The following ING5 variants were observed in gnomAD, a reference collection of about 807,000 sequenced individuals.
ING5 encodes inhibitor of growth family member 5.
ING5 carries 17 observed loss-of-function variants against 37.4 expected under a neutral mutation model. That is an observed-to-expected ratio of 0.45 (90% CI 0.31 to 0.68). The LOEUF is 0.68. Ranked by LOEUF, ING5 falls within the 30% of genes least tolerant of loss-of-function variation. The pLI is 0.05. For synonymous variants in ING5, 123 were observed against 116.6 expected (o/e 1.06, Z -0.36); for missense variants, 233 against 311.9 (o/e 0.75, Z 1.91).
chr2:241,695,243 G>C (rs1175259488), intron 2 of ING5, among the ~76,000 whole-genome samples: 1 of 151,920 alleles, frequency 6.6e-6, no homozygotes, highest in Non-Finnish European at 1.5e-5. Context: ...TACTGAGACT[G>C]CTGTGCTGGA....
At chr2:241,712,181 G>A (rs977991460) in intron 5 of ING5, 110 bp downstream of exon 5, 139 of 887,242 alleles carry the variant, frequency 1.6e-4, no homozygotes, top group Non-Finnish European at 2.2e-4. Context: ...CCCGTGTGCC[G>A]GGTGGTATTC....
At position 241,709,140 on chromosome 2, in the gene ING5, C is replaced by T. The variant is rs530651606; in HGVS notation, c.110-76C>T. Reference sequence around the variant, plus strand: ...TTTGCCACAACTTGGCGTTGGCTGACTTTAGTTGTTGCCAGTCTGGTGAGC... The same window carrying T: ...TTTGCCACAACTTGGCGTTGGCTGATTTTAGTTGTTGCCAGTCTGGTGAGC... On this transcript the variant is annotated intron_variant, in intron 2 of 7. Transcript: ENST00000313552. 4 of 1,484,070 alleles carry T rather than the reference C, an allele frequency of 2.7e-6. No homozygotes were observed. In the East Asian group the frequency reaches 9.2e-5, roughly 34 times the overall value. 91.9% of individuals were successfully genotyped at this position (1,484,070 alleles called of 1,614,324 possible).
intron 2 of ING5, among the ~76,000 whole-genome samples, chr2:241,690,816 T>G (rs200056116): frequency 1.3e-5 from 2 of 151,086 alleles, no homozygotes; most frequent in Admixed American, 1.3e-4. Flanking sequence ...TTTTTTTTTT[T>G]CTTTTTTTCC....
intron 2 of ING5, among the ~76,000 whole-genome samples, chr2:241,695,854 C>T (rs573913966): frequency 3.3e-5 from 5 of 152,290 alleles, no homozygotes; most frequent in South Asian, 4.1e-4. Context: ...GTCTGATACA[C>T]CACTACAATG....
Position 241,722,153 on chromosome 2 carries a change from C to T in ING5, c.483-786C>T, listed in dbSNP as rs150439134. ...TGGCTGTTCTCTTGGGAGGAGGTCACAGTTACGGGAGAGCTGTTGACTGTG... is the reference window on the plus strand; with the variant it reads ...TGGCTGTTCTCTTGGGAGGAGGTCATAGTTACGGGAGAGCTGTTGACTGTG... On this transcript the variant is annotated intron_variant, in intron 5 of 7. Transcript: ENST00000313552. 121 of 985,382 alleles carry T rather than the reference C, an allele frequency of 1.2e-4. No individual in the cohort carries two copies. The African/African-American group carries it at 1.7e-3, about 13-fold the overall frequency. 61.0% of individuals were successfully genotyped at this position (985,382 alleles called of 1,614,324 possible).
At chr2:241,710,004 G>A (rs1320519989) in intron 3 of ING5, among the ~76,000 whole-genome samples, 1 of 152,012 alleles carries the variant, frequency 6.6e-6, no homozygotes, top group African/African-American at 2.4e-5. Flanking sequence ...GTGCAGTGGT[G>A]TGATCACGGC....
At chr2:241,723,988 C>A in intron 7 of ING5, 1 of 1,325,320 alleles carries the variant, frequency 7.5e-7, no homozygotes, top group African/African-American at 1.5e-5. Context: ...CCAGCCTGGG[C>A]GAGAGAGCAA....
chr2:241,721,682 T>G (rs749622005), intron 5 of ING5: 107 of 985,182 alleles, frequency 1.1e-4, no homozygotes, highest in Non-Finnish European at 1.2e-4. Flanking sequence ...TATTCGTGGG[T>G]TGGAGGGTGG....
At chr2:241,695,421 C>T (rs2069616721) in intron 2 of ING5, among the ~76,000 whole-genome samples, 2 of 152,210 alleles carry the variant, frequency 1.3e-5, no homozygotes, top group Non-Finnish European at 2.9e-5. Flanking sequence ...GGCACGGTGG[C>T]TCACGCCTGT....
chr2:241,719,637 G>A, intron 5 of ING5: 3 of 1,535,636 alleles, frequency 2.0e-6, no homozygotes, highest in Non-Finnish European at 2.6e-6. Flanking sequence ...AGGAATGCAG[G>A]CACTGGGGGT....
intron 2 of ING5, among the ~76,000 whole-genome samples, chr2:241,707,206 G>A (rs967493692): frequency 1.3e-5 from 2 of 151,852 alleles, no homozygotes; most frequent in Non-Finnish European, 2.9e-5. Context: ...TGATCTGCCC[G>A]CCTTGGCCTC....
intron 7 of ING5, among the ~76,000 whole-genome samples, chr2:241,723,596 C>T (rs554028341): frequency 7.2e-5 from 11 of 152,288 alleles, no homozygotes; most frequent in East Asian, 1.9e-4. Context: ...AGGTAGGGAT[C>T]GTCTTAAATC....
upstream of ING5, among the ~76,000 whole-genome samples, chr2:241,699,713 C>G (rs1450152290): frequency 2.0e-5 from 3 of 152,072 alleles, no homozygotes; most frequent in Non-Finnish European, 2.9e-5. Flanking sequence ...GGGGCCTACA[C>G]GTTACATCTA....
chr2:241,699,056 C>G (rs759948903), upstream of ING5, among the ~76,000 whole-genome samples: 9 of 143,424 alleles, frequency 6.3e-5, no homozygotes, highest in Non-Finnish European at 1.3e-4. Flanking sequence ...GAGGGGTTTG[C>G]TCTTGTAGCC....
chr2:241,687,422 C>T (rs947962187), exon 1 of ING5: 19 of 398,742 alleles, frequency 4.8e-5, no homozygotes, highest in African/African-American at 3.7e-4. Context: ...GCTGTGTAGA[C>T]GCTGGCCACG....
chr2:241,701,973 A>T, upstream of ING5: 1 of 853,060 alleles, frequency 1.2e-6, no homozygotes. Flanking sequence ...AGCGCGCGCG[A>T]CTCATGAATA....
At chr2:241,717,410 A>AT (rs964002124) in intron 5 of ING5, among the ~76,000 whole-genome samples, 18 of 151,730 alleles carry the variant, frequency 1.2e-4, no homozygotes, top group Non-Finnish European at 1.9e-4. Context: ...TTCTTTAAAA[A>AT]TTTTTTTTCC....
In ING5 at chr2:241,707,963, T is replaced by A. The variant is rs571524464; in HGVS notation, c.110-1253T>A. On this transcript the variant is annotated intron_variant, in intron 2 of 7. Coordinates refer to ENST00000313552, the MANE Select transcript of ING5 (RefSeq NM_032329.6). The stretch of plus-strand genomic sequence containing the variant: ...ATCAGGCTGGAGTGCAGTGGCACGG[T>A]CTCGGCTCACTGCAACCTCTGCCTC... Among the ~76,000 whole-genome samples, 14 of 152,238 alleles carry A rather than the reference T, an allele frequency of 9.2e-5. No individual in the cohort carries two copies. The East Asian group carries it at 2.7e-3, about 29-fold the overall frequency.
chr2:241,698,494 GGAGTGTGTGTGTGT>G (rs1433185949), upstream of ING5, among the ~76,000 whole-genome samples: 59 of 92,668 alleles, frequency 6.4e-4, no homozygotes, highest in Non-Finnish European at 1.1e-4. Context: ...TTATAATAGA[GGAGTGTGTGTGTGT>G]GTGTGTGTGT....
Sources: allele counts gnomAD v4.1 joint callset (sites outside exome capture counted in the v4.1 genomes callset), GRCh38; gene constraint gnomAD v4.1.1; transcripts MANE v1.5; gene names NCBI Gene and HGNC (gene_info 2026-07-23, HGNC 2026-07-21).